Variants in COL1A2 observed in about 807,000 individuals in gnomAD.
The protein encoded by COL1A2 is collagen type I alpha 2 chain.
COL1A2 carries 49 observed loss-of-function variants against 174.3 expected under a neutral mutation model. That is an observed-to-expected ratio of 0.28 (90% CI 0.22 to 0.36). The LOEUF is 0.36. Ranked by LOEUF, COL1A2 falls within the 10% of genes least tolerant of loss-of-function variation. The probability of loss-of-function intolerance (pLI) is 1.00; values close to 1 mark genes in which losing one functional copy is unlikely to be tolerated. For missense variants in COL1A2, 1,438 were observed against 1,822.7 expected, an observed-to-expected ratio of 0.79 and a Z score of 3.84; for synonymous variants, 655 against 606.6, an observed-to-expected ratio of 1.08 and a Z score of -1.17.
At chr7:94,420,800 A>G (rs1445266016) in intron 37 of COL1A2, 152 bp downstream of exon 37, 6 of 906,208 alleles carry the variant, frequency 6.6e-6, no homozygotes, top group Admixed American at 4.1e-5. Context: ...ACTGCTTTAC[A>G]AAGTATAAAA....
intron 12 of COL1A2, among the ~76,000 whole-genome samples, chr7:94,406,628 A>G (rs1791804496): frequency 6.6e-6 from 1 of 152,160 alleles, no homozygotes; most frequent in African/African-American, 2.4e-5. Context: ...ATATAATCAG[A>G]GATTACGACA....
rs375334535 is a variant in COL1A2, at chr7:94,408,154, G to T, written c.640-29G>T. The T allele has an allele frequency of 7.0e-5, 112 of 1,611,244 alleles. 1 individual carries two copies. The highest frequency in any genetic ancestry group is 8.9e-5 in the Non-Finnish European group (105 of 1,178,208). On this transcript the variant is annotated intron_variant, in intron 13 of 51. Transcript: ENST00000297268. Reference sequence around the variant, plus strand: ...TGACTTTTTTTAAATTAGCATTCTGGATTTTATTGAAAATATTTCTGCTTC... The same window carrying T: ...TGACTTTTTTTAAATTAGCATTCTGTATTTTATTGAAAATATTTCTGCTTC...
chr7:94,426,790 A>G (rs1792287171), intron 46 of COL1A2: 1 of 626,878 alleles, frequency 1.6e-6, no homozygotes, highest in African/African-American at 1.8e-5. Context: ...AATAAACATA[A>G]TTAGAGGAAT....
chr7:94,413,263 A>G (rs1287936754), intron 26 of COL1A2, 127 bp downstream of exon 26: 3 of 980,024 alleles, frequency 3.1e-6, no homozygotes, highest in Non-Finnish European at 4.9e-6. Flanking sequence ...GGGTCCTTTT[A>G]CTATCATAAA....
intron 31 of COL1A2, 86 bp from the exon 32 acceptor site, chr7:94,417,638 C>T: frequency 8.7e-7 from 1 of 1,146,124 alleles, no homozygotes; most frequent in South Asian, 1.3e-5. Flanking sequence ...GTCTAGCTAG[C>T]TGTTTAAATT....
intron 15 of COL1A2, 111 bp from the exon 16 acceptor site, chr7:94,408,659 C>T (rs1032331473): frequency 1.7e-6 from 2 of 1,188,894 alleles, no homozygotes; most frequent in Non-Finnish European, 1.2e-6. Flanking sequence ...TTTTTCTTTA[C>T]TAATATAAAC....
At chr7:94,403,144 T>A (rs1490107982) in intron 6 of COL1A2, among the ~76,000 whole-genome samples, 1 of 152,148 alleles carries the variant, frequency 6.6e-6, no homozygotes, top group African/African-American at 2.4e-5. Context: ...ATGTCATTTT[T>A]AAAAAGCCCA....
Position 94,417,787 on chromosome 7 carries a change from GGA to G in COL1A2, c.1933_1934del (p.Arg645GlyfsTer14). 6.2e-7 allele frequency: 1 copy of G among 1,604,860 alleles called. No homozygotes were observed. Among genetic ancestry groups the G allele is most frequent in the Non-Finnish European group, 8.5e-7 (1 of 1,175,778 alleles). ...TCCATCTGGTCCTAGTGGACTCCCA[GGA>G]GAGAGGGGTGCTGCTGGCATACCTG... ...AGPSGPSGLP[G>X]ERGAAGIPGG... On this transcript the variant is annotated frameshift_variant, in exon 32 of 52. Transcript: ENST00000297268. LOFTEE classifies it high-confidence loss of function.
At chr7:94,407,014 C>T (rs75194478) in intron 12 of COL1A2, among the ~76,000 whole-genome samples, 11 of 152,170 alleles carry the variant, frequency 7.2e-5, no homozygotes, top group South Asian at 2.1e-4. Context: ...CCCAAGAGCC[C>T]GATATAACAG....
Position 94,419,560 on chromosome 7 carries a change from G to A in COL1A2, c.2079+9G>A. On this transcript the variant is annotated intron_variant, in intron 34 of 51. Coordinates refer to ENST00000297268, the MANE Select transcript of COL1A2 (RefSeq NM_000089.4). ...GAGCCACAGGTGACCGGGTAAGCAT[G>A]CATTTTCACTAAGCCAACAGCAATA... 1 of 1,613,974 alleles carries A rather than the reference G, an allele frequency of 6.2e-7. No homozygotes were observed. The highest frequency in any genetic ancestry group is 8.5e-7 in the Non-Finnish European group (1 of 1,179,952).
chr7:94,420,480 T>A, intron 36 of COL1A2, 36 bp downstream of exon 36: 1 of 1,614,122 alleles, frequency 6.2e-7, no homozygotes, highest in Non-Finnish European at 8.5e-7. Flanking sequence ...TCTGAAAACA[T>A]CCTAAGTTGG....
intron 40 of COL1A2, 103 bp downstream of exon 40, chr7:94,423,221 G>A: frequency 7.2e-7 from 1 of 1,379,552 alleles, no homozygotes; most frequent in Non-Finnish European, 1.0e-6. Flanking sequence ...GAGTATTGCA[G>A]GCTCTCAAGT....
intron 1 of COL1A2, chr7:94,395,326 A>C (rs1400914755): frequency 8.0e-6 from 5 of 624,456 alleles, no homozygotes; most frequent in Non-Finnish European, 1.5e-5. Context: ...CTCTAAGTTC[A>C]GAGTGAGACA....
Position 94,408,355 on chromosome 7 carries a change from G to A in COL1A2, c.713G>A (p.Gly238Glu), listed in dbSNP as rs1188265845. 6.2e-7 allele frequency: 1 copy of A among 1,614,160 alleles called. No individual in the cohort carries two copies. The change falls in exon 15 of 52, where the codon GGA becomes GAA. Residue 238 changes from glycine to glutamate, a missense_variant. Physicochemically the swap from Gly to Glu is moderately conservative, Grantham distance 98 (BLOSUM62 -2). Coordinates refer to ENST00000297268, the MANE Select transcript of COL1A2 (RefSeq NM_000089.4). ...TCTTAGGGTGCCCGTGGCAGTGATGGAAGTGTGGGTCCCGTGGGTCCTGCT... is the reference window on the plus strand; with the variant it reads ...TCTTAGGGTGCCCGTGGCAGTGATGAAAGTGTGGGTCCCGTGGGTCCTGCT... ...PGPAGARGSD[G>E]SVGPVGPAGP...
rs1199425141 is a variant in COL1A2, at chr7:94,428,319, G to A, written c.3553G>A (p.Gly1185Arg). The A allele has an allele frequency of 6.2e-7, 1 of 1,614,078 alleles. No homozygotes were observed. The highest frequency in any genetic ancestry group is 8.5e-7 in the Non-Finnish European group (1 of 1,179,982). Residue 1185 changes from glycine (G) to arginine (R), a missense_variant, in exon 50 of 52, where the codon GGA (glycine) becomes AGA (arginine). By Grantham distance (125) the Gly-to-Arg change is moderately radical. Coordinates refer to ENST00000297268, the MANE Select transcript of COL1A2 (RefSeq NM_000089.4). ...TTACTACTGGATTGACCCTAACCAA[G>A]GATGCACTATGGATGCTATCAAAGT... ...SGYYWIDPNQ[G>R]CTMDAIKVYC...
Position 94,425,141 on chromosome 7 carries a change from G to T in COL1A2, c.2698G>T (p.Ala900Ser). Residue 900 changes from alanine (A) to serine (S), a missense_variant, in exon 42 of 52, where the codon GCC (alanine) becomes TCC (serine). This residue lies in a region of COL1A2 where 867 missense variants were observed against 1,213.7 expected (regional missense o/e 0.71). Coordinates refer to ENST00000297268, the MANE Select transcript of COL1A2 (RefSeq NM_000089.4). ...AVGEPGPLGIAGPPGARGPPG... is the reference protein window; with the variant it reads ...AVGEPGPLGISGPPGARGPPG... ...GGGTGAACCTGGTCCTCTTGGCATT[G>T]CCGGCCCTCCTGGGGCCCGTGGTCC... 1 of 1,614,098 alleles carries T rather than the reference G, an allele frequency of 6.2e-7. No homozygotes were observed. Among genetic ancestry groups the T allele is most frequent in the Non-Finnish European group, 8.5e-7 (1 of 1,179,980 alleles).
At position 94,408,045 on chromosome 7, in the gene COL1A2, G is replaced by A. The variant is rs141118487; in HGVS notation, c.640-138G>A. 9.5e-5 allele frequency: 113 copies of A among 1,186,728 alleles called. No homozygotes were observed. In the East Asian group the frequency reaches 1.3e-3, roughly 14 times the overall value. The allele number at this position is 1,186,728 out of a possible 1,614,324, so 73.5% of individuals were successfully genotyped here. Reference sequence around the variant, plus strand: ...TGATACTTAATTGAAATCCACTACTGTTTAGTTGGAATTAGAAGGCAACTT... The same window carrying A: ...TGATACTTAATTGAAATCCACTACTATTTAGTTGGAATTAGAAGGCAACTT... On this transcript the variant is annotated intron_variant, in intron 13 of 51. Transcript: ENST00000297268.
At chr7:94,415,426 ATAG>A (rs1792020061) in intron 30 of COL1A2, among the ~76,000 whole-genome samples, 156 bp downstream of exon 30, 1 of 152,212 alleles carries the variant, frequency 6.6e-6, no homozygotes, top group African/African-American at 2.4e-5. Context: ...TTCTAAGTTG[ATAG>A]TAGAATTTTT....
chr7:94,413,721 C>T lies in COL1A2; in HGVS notation c.1589C>T (p.Ala530Val). 6.2e-7 allele frequency: 1 copy of T among 1,614,204 alleles called. No individual in the cohort carries two copies. Among genetic ancestry groups the T allele is most frequent in the Non-Finnish European group, 8.5e-7 (1 of 1,180,030 alleles). The change falls in exon 27 of 52, where the codon GCT (alanine) becomes GTT (valine). Residue 530 changes from alanine (A) to valine (V), a missense_variant. By Grantham distance (64) the Ala-to-Val change is moderately conservative (BLOSUM62 0). Transcript: ENST00000297268. Reference protein sequence around the residue: ...GAPGPDGNNGAQGPPGPQGVQ... With the variant: ...GAPGPDGNNGVQGPPGPQGVQ... ...CCAGGTCCTGATGGAAACAATGGTGCTCAGGGACCTCCTGGACCACAGGTG... is the reference window on the plus strand; with the variant it reads ...CCAGGTCCTGATGGAAACAATGGTGTTCAGGGACCTCCTGGACCACAGGTG...
Sources: allele counts gnomAD v4.1 joint callset (sites outside exome capture counted in the v4.1 genomes callset), GRCh38; gene constraint gnomAD v4.1.1; regional missense constraint gnomAD v4.1.1; transcripts MANE v1.5; gene names NCBI Gene and HGNC (gene_info 2026-07-23, HGNC 2026-07-21).